Variants in ENKUR observed in about 807,000 individuals in gnomAD.
ENKUR encodes enkurin, TRPC channel interacting protein, also known as enkurin.
A neutral mutation model predicts 27.6 loss-of-function variants in ENKUR; 19 were observed. That is an observed-to-expected ratio of 0.69 (90% CI 0.48 to 1.01). The LOEUF (loss-of-function observed/expected upper bound fraction) is 1.01, where lower values mean the gene tolerates loss of function less well. Among genes scored for constraint, ENKUR ranks in the 50% least tolerant of loss-of-function variants. ENKUR has a pLI of 0.00. For missense variants in ENKUR, 312 were observed against 310.5 expected (o/e 1.00, Z -0.04); for synonymous variants, 117 against 96.9 (o/e 1.21, Z -1.22).
At chr10:25,017,246 C>A (rs1477026307), upstream of ENKUR, among the ~76,000 whole-genome samples, 1 of 152,188 alleles carries the variant, frequency 6.6e-6, no homozygotes, top group Admixed American at 6.5e-5. Context: ...TTCTGAGAAG[C>A]GGTTTTATTC....
At chr10:24,997,749 C>A (rs1387165088) in intron 2 of ENKUR, among the ~76,000 whole-genome samples, 1 of 151,248 alleles carries the variant, frequency 6.6e-6, no homozygotes, top group East Asian at 1.9e-4. Context: ...TTGCTTTTGC[C>A]TTACAATGTT....
rs765954999 is a variant in ENKUR, at chr10:25,015,880, C to A, written c.57G>T (p.Lys19Asn). 26 of 1,606,038 alleles carry A rather than the reference C, an allele frequency of 1.6e-5. No individual in the cohort carries two copies. In the Middle Eastern group the frequency reaches 1.3e-3, roughly 81 times the overall value. Residue 19 changes from lysine to asparagine, a missense_variant, in exon 1 of 6, where the codon AAG (lysine) becomes AAT (asparagine). Coordinates refer to ENST00000331161, the MANE Select transcript of ENKUR (RefSeq NM_145010.4). ...CATACCTAGGAGGCTGGGGAGGCTC[C>A]TTCAAGTCACTGGGTATGAGGTTAT... The part of the protein sequence containing the change: ...CIYNLIPSDL[K>N]EPPQPPRYIS...
rs1210138729 is a variant in ENKUR, at chr10:25,016,096, G to A, written c.-160C>T. 1 of 1,321,692 alleles carries A rather than the reference G, an allele frequency of 7.6e-7. No individual in the cohort carries two copies. The highest frequency in any genetic ancestry group is 9.7e-7 in the Non-Finnish European group (1 of 1,032,832). The allele number at this position is 1,321,692 out of a possible 1,614,324, so 81.9% of individuals were successfully genotyped here. ...ATCGTCCCCCTTTAACCCCCTCTTA[G>A]CAGTCCTCTCTCGGGAAGAAAACAC... On this transcript the variant is annotated 5_prime_UTR_variant, in exon 1 of 6. Coordinates refer to ENST00000331161, the MANE Select transcript of ENKUR (RefSeq NM_145010.4).
chr10:25,033,282 T>C (rs923456585), intron 2 of ENKUR, among the ~76,000 whole-genome samples: 17 of 151,848 alleles, frequency 1.1e-4, no homozygotes, highest in African/African-American at 3.4e-4. Context: ...TGCATGTCAG[T>C]AGTCCCAGCT....
At chr10:24,991,475 A>G (rs964783363) in intron 3 of ENKUR, among the ~76,000 whole-genome samples, 2 of 151,868 alleles carry the variant, frequency 1.3e-5, no homozygotes, top group African/African-American at 2.4e-5. Context: ...GGAAGAACGT[A>G]TAAGTGGAGG....
At chr10:25,024,888 AC>A in intron 2 of ENKUR, 1 of 1,613,996 alleles carries the variant, frequency 6.2e-7, no homozygotes, top group Non-Finnish European at 8.5e-7. Flanking sequence ...GGGAAAGAAA[AC>A]TAGCACAAAC....
At chr10:25,041,932 C>T (rs927238473) in intron 2 of ENKUR, among the ~76,000 whole-genome samples, 1 of 151,950 alleles carries the variant, frequency 6.6e-6, no homozygotes, top group Non-Finnish European at 1.5e-5. Context: ...AACTTGTGAT[C>T]CCGAATTGAA....
chr10:24,985,713 T>A (rs1471000223), intron 4 of ENKUR, among the ~76,000 whole-genome samples: 1 of 152,260 alleles, frequency 6.6e-6, no homozygotes, highest in Non-Finnish European at 1.5e-5. Flanking sequence ...GGTCTTAAAC[T>A]AGTAATTAAA....
chr10:25,013,079 ACT>A (rs1436235498), intron 1 of ENKUR, among the ~76,000 whole-genome samples: 1 of 151,578 alleles, frequency 6.6e-6, no homozygotes, highest in Non-Finnish European at 1.5e-5. Flanking sequence ...CCCTGCACAC[ACT>A]CTCTTTCCTG....
chr10:24,984,668 GT>G, intron 5 of ENKUR, 67 bp downstream of exon 5: 11 of 1,441,836 alleles, frequency 7.6e-6, no homozygotes, highest in Non-Finnish European at 9.3e-6. Context: ...AAAACTTGGA[GT>G]TTTTTATATT....
chr10:25,000,044 T>C (rs1262249623), intron 1 of ENKUR, among the ~76,000 whole-genome samples: 1 of 152,210 alleles, frequency 6.6e-6, no homozygotes, highest in Non-Finnish European at 1.5e-5. Context: ...GATACAAGTT[T>C]AGGTTTTTTA....
intron 3 of ENKUR, 65 bp from the exon 4 acceptor site, chr10:24,990,674 T>G: frequency 7.0e-7 from 1 of 1,429,128 alleles, no homozygotes; most frequent in Non-Finnish European, 9.5e-7. Context: ...TGGGTACGTA[T>G]CAACTGATGA....
rs1849731343 is a variant in ENKUR at position 24,984,354 on chromosome 10, A to T, written c.*16T>A. ...GTTCAAAATACTTAACAGTTTTCAA[A>T]GTTGTGCTGTTGGTATCATGCGCTG... On this transcript the variant is annotated 3_prime_UTR_variant, in exon 6 of 6. Transcript: ENST00000331161. 1.5e-5 allele frequency: 24 copies of T among 1,567,474 alleles called. 1 individual carries two copies. In the South Asian group the frequency reaches 2.6e-4, roughly 17 times the overall value.
intron 2 of ENKUR, among the ~76,000 whole-genome samples, chr10:25,054,654 C>T (rs1015400596): frequency 6.7e-6 from 1 of 149,768 alleles, no homozygotes; most frequent in African/African-American, 2.5e-5. Context: ...TCATTTAATT[C>T]CATAGCATTT....
chr10:25,033,203 T>G (rs1183044057), intron 2 of ENKUR, among the ~76,000 whole-genome samples: 3 of 151,952 alleles, frequency 2.0e-5, no homozygotes, highest in Non-Finnish European at 2.9e-5. Context: ...GGCCAAGAGT[T>G]CAAGACCAGC....
intron 2 of ENKUR, among the ~76,000 whole-genome samples, chr10:25,035,421 G>T (rs1850996049): frequency 6.6e-6 from 1 of 152,122 alleles, no homozygotes; most frequent in Admixed American, 6.5e-5. Flanking sequence ...TGGGCGTGGT[G>T]GTGCACACCT....
chr10:25,049,400 G>A (rs963498698), intron 2 of ENKUR, among the ~76,000 whole-genome samples: 24 of 132,204 alleles, frequency 1.8e-4, no homozygotes, highest in Non-Finnish European at 3.2e-4. Flanking sequence ...AAAACTTATG[G>A]AAGGTAAAAA....
exon 2 of ENKUR, chr10:25,061,186 T>TGTTG: frequency 6.5e-7 from 1 of 1,534,420 alleles, no homozygotes; most frequent in Non-Finnish European, 8.7e-7. Flanking sequence ...AGTTCATAGG[T>TGTTG]GTTGGACACG....
At chr10:25,019,806 A>G (rs1440025063), upstream of ENKUR, among the ~76,000 whole-genome samples, 1 of 152,230 alleles carries the variant, frequency 6.6e-6, no homozygotes, top group African/African-American at 2.4e-5. Flanking sequence ...GTGCACTACC[A>G]GAAATTTCCC....
Sources: allele counts gnomAD v4.1 joint callset (sites outside exome capture counted in the v4.1 genomes callset), GRCh38; gene constraint gnomAD v4.1.1; transcripts MANE v1.5; gene names NCBI Gene and HGNC (gene_info 2026-07-23, HGNC 2026-07-21).